The following GLIS3 variants were observed in gnomAD, a reference collection of about 807,000 sequenced individuals.
The protein encoded by GLIS3 is GLIS family zinc finger 3, also known as zinc finger protein GLIS3.
GLIS3 carries 53 observed loss-of-function variants against 78.6 expected under a neutral mutation model. The observed-to-expected ratio is 0.67, with a 90% CI of 0.54 to 0.85. The LOEUF is 0.85. GLIS3 is among the 40% of genes least tolerant of loss of function. The pLI, the probability that GLIS3 is intolerant of heterozygous loss-of-function variation, is 0.00. For missense variants in GLIS3, 1,703 were observed against 1,231.1 expected, an observed-to-expected ratio of 1.38 and a Z score of -5.74; for synonymous variants, 684 against 509.9, an observed-to-expected ratio of 1.34 and a Z score of -4.60.
At chr9:4,023,041 C>T (rs1228370845) in intron 4 of GLIS3, among the ~76,000 whole-genome samples, 1 of 152,150 alleles carries the variant, frequency 6.6e-6, no homozygotes, top group East Asian at 1.9e-4. Context: ...TGCATTCTCT[C>T]TCTAAAAGAA....
At chr9:4,390,108 G>C in the GLIS3 span, among the ~76,000 whole-genome samples, 15 of 152,326 alleles carry the variant, frequency 9.8e-5, no homozygotes, top group Admixed American at 9.1e-4. Flanking sequence ...GAGGTAGAGG[G>C]AACCACGGAC....
the GLIS3 span, among the ~76,000 whole-genome samples, chr9:4,401,029 C>T: frequency 1.3e-5 from 2 of 152,230 alleles, no homozygotes; most frequent in East Asian, 3.9e-4. Flanking sequence ...TTGAGAAAAG[C>T]AGAGGGAAAA....
intron 4 of GLIS3, among the ~76,000 whole-genome samples, chr9:4,009,421 C>T (rs1255745770): frequency 6.6e-6 from 1 of 152,188 alleles, no homozygotes; most frequent in East Asian, 1.9e-4. Flanking sequence ...AGAAGATGGG[C>T]GGCATCCCTG....
At chr9:4,052,935 T>C (rs760297796) in intron 4 of GLIS3, among the ~76,000 whole-genome samples, 9 of 151,964 alleles carry the variant, frequency 5.9e-5, no homozygotes, top group African/African-American at 1.2e-4. Flanking sequence ...TTTTCATTCA[T>C]GTTTAATTTA....
intron 2 of GLIS3, among the ~76,000 whole-genome samples, chr9:4,138,682 C>T (rs919381805): frequency 9.9e-5 from 15 of 152,166 alleles, no homozygotes; most frequent in African/African-American, 3.4e-4. Context: ...GGGCAAATGC[C>T]TTAAGCTCTC....
At chr9:4,058,969 A>C (rs556993308) in intron 4 of GLIS3, among the ~76,000 whole-genome samples, 19 of 151,706 alleles carry the variant, frequency 1.3e-4, no homozygotes, top group Non-Finnish European at 2.8e-4. Context: ...GCCACAGAGC[A>C]AGACTCCATC....
intron 4 of GLIS3, among the ~76,000 whole-genome samples, chr9:4,008,700 A>C (rs892439987): frequency 1.3e-5 from 2 of 152,168 alleles, no homozygotes; most frequent in East Asian, 3.9e-4. Context: ...ATTCTGTGAC[A>C]TAAAAAGAGC....
intron 4 of GLIS3, among the ~76,000 whole-genome samples, chr9:4,010,929 G>A (rs893514012): frequency 6.6e-6 from 1 of 152,162 alleles, no homozygotes; most frequent in Non-Finnish European, 1.5e-5. Context: ...ATGTAGATAC[G>A]CATGCATGTG....
chr9:4,355,156 A>G, the GLIS3 span, among the ~76,000 whole-genome samples: 2 of 151,916 alleles, frequency 1.3e-5, no homozygotes, highest in East Asian at 1.9e-4. Flanking sequence ...AAAGAAAAAG[A>G]AAAAAGAGAG....
At chr9:4,200,784 C>T (rs755594485) in intron 2 of GLIS3, among the ~76,000 whole-genome samples, 3 of 152,148 alleles carry the variant, frequency 2.0e-5, no homozygotes, top group Non-Finnish European at 4.4e-5. Context: ...AATAATCCTA[C>T]CGAAATTATC....
intron 1 of GLIS3, among the ~76,000 whole-genome samples, chr9:4,287,456 C>G (rs144218237): frequency 6.6e-6 from 1 of 152,218 alleles, no homozygotes; most frequent in East Asian, 1.9e-4. Context: ...GCCCCTCCTT[C>G]CCTTGACCAA....
chr9:4,022,685 T>C (rs562609377), intron 4 of GLIS3, among the ~76,000 whole-genome samples: 66 of 152,254 alleles, frequency 4.3e-4, no homozygotes, highest in African/African-American at 1.6e-3. Flanking sequence ...CACAGGGAAG[T>C]GGATAAACAA....
intron 2 of GLIS3, among the ~76,000 whole-genome samples, chr9:4,274,521 G>A (rs1347725500): frequency 6.6e-6 from 1 of 152,108 alleles, no homozygotes; most frequent in Non-Finnish European, 1.5e-5. Context: ...CCCCATCCCT[G>A]CCAGAAGCAG....
intron 2 of GLIS3, among the ~76,000 whole-genome samples, chr9:4,339,605 G>A (rs752011350): frequency 2.7e-5 from 4 of 150,376 alleles, no homozygotes; most frequent in Non-Finnish European, 5.9e-5. Context: ...CGTCTCTGTT[G>A]TGTGTATTTA....
At chr9:3,830,108 A>G (rs1817960564) in intron 9 of GLIS3, among the ~76,000 whole-genome samples, 1 of 152,244 alleles carries the variant, frequency 6.6e-6, no homozygotes, top group South Asian at 2.1e-4. Context: ...ATGTTAGAAA[A>G]TACAACACAA....
chr9:4,262,518 G>C (rs1260493401), intron 2 of GLIS3, among the ~76,000 whole-genome samples: 3 of 152,134 alleles, frequency 2.0e-5, no homozygotes, highest in African/African-American at 7.2e-5. Flanking sequence ...TCTAGGCAGA[G>C]AGGAATACCT....
chr9:4,075,730 G>A (rs1313418268), intron 4 of GLIS3, among the ~76,000 whole-genome samples: 2 of 152,060 alleles, frequency 1.3e-5, no homozygotes, highest in East Asian at 1.9e-4. Context: ...AGAAGTGTAT[G>A]CATAGGCAAC....
intron 2 of GLIS3, among the ~76,000 whole-genome samples, chr9:4,180,672 TTCTA>T (rs2131169769): frequency 1.3e-5 from 2 of 152,304 alleles, no homozygotes; most frequent in South Asian, 4.2e-4. Flanking sequence ...CATAAAATCC[TTCTA>T]TCTTATATGC....
At chr9:4,136,321 T>A (rs1833405396) in intron 2 of GLIS3, among the ~76,000 whole-genome samples, 1 of 152,184 alleles carries the variant, frequency 6.6e-6, no homozygotes, top group Admixed American at 6.5e-5. Flanking sequence ...AGGTAATTCA[T>A]CAAAGAAGAA....
Sources: allele counts gnomAD v4.1 joint callset (sites outside exome capture counted in the v4.1 genomes callset), GRCh38; gene constraint gnomAD v4.1.1; transcripts MANE v1.5; gene names NCBI Gene and HGNC (gene_info 2026-07-23, HGNC 2026-07-21).